Variants in SLC24A2 observed in about 807,000 individuals in gnomAD.
SLC24A2 encodes solute carrier family 24 member 2.
A neutral mutation model predicts 62.0 loss-of-function variants in SLC24A2; 36 were observed. The ratio of observed to expected loss-of-function variants is 0.58; its 90% CI spans 0.44 to 0.77. The LOEUF (loss-of-function observed/expected upper bound fraction) is 0.77. Ranked by LOEUF, SLC24A2 falls within the 30% of genes least tolerant of loss-of-function variation. The pLI, the probability that SLC24A2 is intolerant of heterozygous loss-of-function variation, is 0.00. For missense variants in SLC24A2, 846 were observed against 817.9 expected (o/e 1.03, Z -0.42); for synonymous variants, 358 against 294.0 (o/e 1.22, Z -2.23).
the SLC24A2 span, among the ~76,000 whole-genome samples, chr9:19,859,315 G>A: frequency 6.6e-6 from 1 of 152,136 alleles, no homozygotes; most frequent in Non-Finnish European, 1.5e-5. Context: ...TGGACACAAA[G>A]AGGGGAACAA....
At chr9:19,540,314 A>G (rs1365834310) in intron 8 of SLC24A2, among the ~76,000 whole-genome samples, 1 of 144,088 alleles carries the variant, frequency 6.9e-6, no homozygotes, top group Non-Finnish European at 1.5e-5. Context: ...TGGTCTTTAC[A>G]TTTTGGCATG....
the SLC24A2 span, among the ~76,000 whole-genome samples, chr9:19,897,690 C>T: frequency 1.3e-3 from 205 of 152,168 alleles, no homozygotes; most frequent in African/African-American, 4.6e-3. Flanking sequence ...TAAATCGTTC[C>T]CATTTTATCG....
chr9:20,169,483 C>A, the SLC24A2 span, among the ~76,000 whole-genome samples: 1 of 152,038 alleles, frequency 6.6e-6, no homozygotes, highest in Non-Finnish European at 1.5e-5. Context: ...ATCCAGGGAT[C>A]TGCAGACAGT....
chr9:19,591,284 G>A (rs765475950), intron 5 of SLC24A2, among the ~76,000 whole-genome samples: 2 of 152,124 alleles, frequency 1.3e-5, no homozygotes, highest in Non-Finnish European at 2.9e-5. Context: ...AATTTAACAT[G>A]AGTGCTCAAG....
At chr9:19,959,159 C>T in the SLC24A2 span, among the ~76,000 whole-genome samples, 2 of 151,936 alleles carry the variant, frequency 1.3e-5, no homozygotes, top group Non-Finnish European at 2.9e-5. Context: ...ATTGGCAGAA[C>T]ATAGGAGAAG....
At chr9:19,997,047 G>C in the SLC24A2 span, among the ~76,000 whole-genome samples, 1 of 151,290 alleles carries the variant, frequency 6.6e-6, no homozygotes, top group Admixed American at 6.6e-5. Context: ...AAAAAAAAAA[G>C]GCAAAAAAAG....
chr9:19,953,272 T>G, the SLC24A2 span, among the ~76,000 whole-genome samples: 1 of 151,966 alleles, frequency 6.6e-6, no homozygotes, highest in Non-Finnish European at 1.5e-5. Flanking sequence ...CCTGCACAGC[T>G]CTAAGTTAGT....
At chr9:20,281,584 C>A in the SLC24A2 span, among the ~76,000 whole-genome samples, 1 of 152,110 alleles carries the variant, frequency 6.6e-6, no homozygotes, top group African/African-American at 2.4e-5. Context: ...AGTATATATT[C>A]TTTTATGTGT....
chr9:19,856,616 T>C, the SLC24A2 span, among the ~76,000 whole-genome samples: 1 of 151,918 alleles, frequency 6.6e-6, no homozygotes, highest in African/African-American at 2.4e-5. Flanking sequence ...CACTGGGAGG[T>C]GTCACCAGTG....
At chr9:20,013,502 G>C in the SLC24A2 span, among the ~76,000 whole-genome samples, 1 of 152,166 alleles carries the variant, frequency 6.6e-6, no homozygotes. Flanking sequence ...ATTGGTCTGG[G>C]CAATGATATT....
the SLC24A2 span, among the ~76,000 whole-genome samples, chr9:20,169,827 G>T: frequency 1.3e-5 from 2 of 151,892 alleles, no homozygotes; most frequent in South Asian, 4.1e-4. Flanking sequence ...TCCAAACCAA[G>T]AAGAAATCCC....
intron 7 of SLC24A2, among the ~76,000 whole-genome samples, chr9:19,563,102 A>G (rs1835484009): frequency 6.6e-6 from 1 of 151,860 alleles, no homozygotes; most frequent in Non-Finnish European, 1.5e-5. Flanking sequence ...CAAGACCCCA[A>G]CTCTAAAAAA....
chr9:20,156,920 A>C, the SLC24A2 span, among the ~76,000 whole-genome samples: 1 of 151,740 alleles, frequency 6.6e-6, no homozygotes, highest in Admixed American at 6.6e-5. Flanking sequence ...CCTTCTGTTC[A>C]CCAGACTCAA....
chr9:19,650,848 TG>T (rs1399459029), intron 2 of SLC24A2, among the ~76,000 whole-genome samples: 1 of 151,172 alleles, frequency 6.6e-6, no homozygotes, highest in East Asian at 1.9e-4. Context: ...TGTGTGTGTG[TG>T]TTTGTGTGTG....
At chr9:19,867,802 G>A in the SLC24A2 span, among the ~76,000 whole-genome samples, 1 of 152,102 alleles carries the variant, frequency 6.6e-6, no homozygotes, top group South Asian at 2.1e-4. Flanking sequence ...CAGCTACTCC[G>A]GAGGCTGAGG....
chr9:19,867,912 G>A, the SLC24A2 span, among the ~76,000 whole-genome samples: 1 of 151,918 alleles, frequency 6.6e-6, no homozygotes, highest in East Asian at 1.9e-4. Context: ...TGTCTCAGAA[G>A]AACAAAAACA....
At chr9:20,254,308 A>T in the SLC24A2 span, among the ~76,000 whole-genome samples, 1,845 of 152,310 alleles carry the variant, frequency 0.012, 36 homozygotes, top group African/African-American at 0.042. Context: ...TCAAGCTGCT[A>T]TTTTAGAAAT....
chr9:19,800,979 A>T, the SLC24A2 span, among the ~76,000 whole-genome samples: 1 of 152,202 alleles, frequency 6.6e-6, no homozygotes, highest in Non-Finnish European at 1.5e-5. Flanking sequence ...TATGTAATCC[A>T]CAGGGAGGGC....
the SLC24A2 span, among the ~76,000 whole-genome samples, chr9:20,157,398 G>A: frequency 6.6e-6 from 1 of 151,690 alleles, no homozygotes; most frequent in East Asian, 1.9e-4. Context: ...AGAGTGGAAT[G>A]AAAGACTCTG....
Sources: allele counts gnomAD v4.1 joint callset (sites outside exome capture counted in the v4.1 genomes callset), GRCh38; gene constraint gnomAD v4.1.1; transcripts MANE v1.5; gene names NCBI Gene and HGNC (gene_info 2026-07-23, HGNC 2026-07-21).